USP3: variants seen among roughly 807,000 people sequenced by gnomAD.
The protein encoded by USP3 is ubiquitin specific peptidase 3.
USP3 carries 20 observed loss-of-function variants against 72.3 expected under a neutral mutation model. That is an observed-to-expected ratio of 0.28 (90% CI 0.19 to 0.40). The LOEUF is 0.40. Ranked by LOEUF, USP3 falls within the 10% of genes least tolerant of loss-of-function variation. The pLI, the probability that USP3 is intolerant of heterozygous loss-of-function variation, is 1.00. For missense variants in USP3, 479 were observed against 633.9 expected, an observed-to-expected ratio of 0.76 and a Z score of 2.62; for synonymous variants, 222 against 225.3, an observed-to-expected ratio of 0.99 and a Z score of 0.13.
At chr15:63,555,067 A>T (rs2066489067) in intron 4 of USP3, among the ~76,000 whole-genome samples, 1 of 152,216 alleles carries the variant, frequency 6.6e-6, no homozygotes. Flanking sequence ...GTCAAAGGGA[A>T]AAGAGGGCAT....
chr15:63,513,146 G>T (rs1192085242), intron 1 of USP3, among the ~76,000 whole-genome samples: 3 of 152,120 alleles, frequency 2.0e-5, no homozygotes, highest in Non-Finnish European at 4.4e-5. Flanking sequence ...TTCTAGCTGG[G>T]TTTAAGACAG....
intron 6 of USP3, 46 bp from the exon 7 acceptor site, chr15:63,559,811 C>A: frequency 6.6e-7 from 1 of 1,514,548 alleles, no homozygotes; most frequent in Admixed American, 2.0e-5. Context: ...TCTTTACAGT[C>A]CTATTCTTTT....
chr15:63,511,719 T>C (rs555698569), intron 1 of USP3, among the ~76,000 whole-genome samples: 4 of 152,308 alleles, frequency 2.6e-5, no homozygotes, highest in African/African-American at 9.6e-5. Context: ...TCATTTTGTT[T>C]CTGTTAGAGA....
chr15:63,553,926 T>G lies in USP3; in HGVS notation c.368+128T>G. On this transcript the variant is annotated intron_variant, in intron 4 of 14. Transcript: ENST00000380324. The surrounding 1 kb of genome is among the most constrained non-coding windows in gnomAD (Gnocchi z 4.2). ...GTTTATAATATGATTGAAATGTTAATAAAATAAACCTTGGCTTTGGATAGC... is the reference window on the plus strand; with the variant it reads ...GTTTATAATATGATTGAAATGTTAAGAAAATAAACCTTGGCTTTGGATAGC... 3 of 692,162 alleles carry G rather than the reference T, an allele frequency of 4.3e-6. No individual in the cohort carries two copies. Among genetic ancestry groups the G allele is most frequent in the Non-Finnish European group, 6.8e-6 (3 of 444,402 alleles). 42.9% of individuals were successfully genotyped at this position (692,162 alleles called of 1,614,324 possible).
At chr15:63,514,446 G>A (rs1369143571) in intron 1 of USP3, among the ~76,000 whole-genome samples, 1 of 152,172 alleles carries the variant, frequency 6.6e-6, no homozygotes, top group Non-Finnish European at 1.5e-5. Flanking sequence ...CCCTCGGGCA[G>A]AGTATACGTA....
At position 63,561,068 on chromosome 15, in the gene USP3, T is replaced by A. The variant is rs2066600625; in HGVS notation, c.647+1098T>A. Among the ~76,000 whole-genome samples, 5 of 150,678 alleles carry A rather than the reference T, an allele frequency of 3.3e-5. No individual in the cohort carries two copies. In the South Asian group the frequency reaches 1.0e-3, roughly 31 times the overall value. ...TGGAGCAGGGCTGGAATGACGTCAC[T>A]ACAAGTGGTGTTTGAAGGGAGTTTC... On this transcript the variant is annotated intron_variant, in intron 7 of 14. Coordinates refer to ENST00000380324, the MANE Select transcript of USP3 (RefSeq NM_006537.4).
intron 1 of USP3, among the ~76,000 whole-genome samples, chr15:63,506,689 T>G (rs890203250): frequency 1.3e-5 from 2 of 152,182 alleles, no homozygotes; most frequent in Non-Finnish European, 2.9e-5. Flanking sequence ...TAAGTTAAAA[T>G]GGAGCATAAC....
chr15:63,573,835 G>A (rs1443311642), intron 9 of USP3, among the ~76,000 whole-genome samples: 4 of 152,164 alleles, frequency 2.6e-5, no homozygotes, highest in Non-Finnish European at 5.9e-5. Flanking sequence ...TGAGGGCATT[G>A]GGGGAGGCCA....
chr15:63,581,676 T>G (rs1050958004), intron 11 of USP3, among the ~76,000 whole-genome samples: 11 of 150,456 alleles, frequency 7.3e-5, no homozygotes, highest in Non-Finnish European at 1.6e-4. Context: ...ATTACAGGTG[T>G]GAGCCACTGT....
chr15:63,550,620 C>G (rs1487199655), intron 3 of USP3, among the ~76,000 whole-genome samples: 5 of 152,216 alleles, frequency 3.3e-5, no homozygotes, highest in Non-Finnish European at 5.9e-5. Flanking sequence ...TAGGCATTAT[C>G]TCTTCTAAAA....
intron 1 of USP3, among the ~76,000 whole-genome samples, chr15:63,519,473 A>C (rs1345791884): frequency 6.6e-6 from 1 of 152,164 alleles, no homozygotes; most frequent in Non-Finnish European, 1.5e-5. Context: ...TTTGGTAGGA[A>C]TACCACAAAA....
intron 8 of USP3, among the ~76,000 whole-genome samples, chr15:63,567,751 G>A (rs890983735): frequency 3.9e-5 from 6 of 152,228 alleles, no homozygotes; most frequent in Non-Finnish European, 7.3e-5. Context: ...AAAGTGCTGG[G>A]ATTTGAGGCG....
intron 1 of USP3, among the ~76,000 whole-genome samples, chr15:63,516,171 A>G (rs1303160289): frequency 1.3e-5 from 2 of 152,112 alleles, no homozygotes; most frequent in African/African-American, 4.8e-5. Context: ...CCTTAGACAC[A>G]TTTTCTCTTA....
At chr15:63,518,220 C>G (rs955438961) in intron 1 of USP3, among the ~76,000 whole-genome samples, 3 of 152,028 alleles carry the variant, frequency 2.0e-5, no homozygotes, top group African/African-American at 7.3e-5. Context: ...ATAAATAGAA[C>G]AAAATATTGT....
At chr15:63,569,022 A>G (rs2066738430) in intron 8 of USP3, among the ~76,000 whole-genome samples, 1 of 152,206 alleles carries the variant, frequency 6.6e-6, no homozygotes, top group African/African-American at 2.4e-5. Flanking sequence ...CTTGATGAAA[A>G]TGCAAATTGG....
chr15:63,586,975 AC>A (rs1192864089), intron 11 of USP3, among the ~76,000 whole-genome samples: 1 of 152,188 alleles, frequency 6.6e-6, no homozygotes, highest in South Asian at 2.1e-4. Flanking sequence ...CCTTGCCTCC[AC>A]TAACTTTCCC....
At chr15:63,567,673 G>A (rs908780981) in intron 8 of USP3, among the ~76,000 whole-genome samples, 2 of 151,476 alleles carry the variant, frequency 1.3e-5, no homozygotes, top group Admixed American at 1.3e-4. Context: ...GATAGATGGG[G>A]TTTTGCCATG....
rs143816696 is a variant in USP3 at position 63,521,056 on chromosome 15, C to T, written c.92-11591C>T. On this transcript the variant is annotated intron_variant, in intron 1 of 14. Coordinates refer to ENST00000380324, the MANE Select transcript of USP3 (RefSeq NM_006537.4). ...TTTCATTAATTTCTGATTGATCTTTCCTGTGTTTCTTTTTGTAAAGAAAAG... is the reference window on the plus strand; with the variant it reads ...TTTCATTAATTTCTGATTGATCTTTTCTGTGTTTCTTTTTGTAAAGAAAAG... Among the ~76,000 whole-genome samples the T allele has an allele frequency of 7.0e-4, 107 of 152,012 alleles. No individual in the cohort carries two copies. In the East Asian group the frequency reaches 0.02, roughly 29 times the overall value.
chr15:63,577,046 A>C (rs2152680103), intron 11 of USP3, among the ~76,000 whole-genome samples: 1 of 152,342 alleles, frequency 6.6e-6, no homozygotes, highest in African/African-American at 2.4e-5. Context: ...TTAGAAAGGA[A>C]AAGTGATGGT....
Sources: allele counts gnomAD v4.1 joint callset (sites outside exome capture counted in the v4.1 genomes callset), GRCh38; gene constraint gnomAD v4.1.1; non-coding constraint Gnocchi (gnomAD v3.1); transcripts MANE v1.5; gene names NCBI Gene and HGNC (gene_info 2026-07-23, HGNC 2026-07-21).